Variants in GRK3 observed in about 807,000 individuals in gnomAD.
GRK3 encodes adrenergic, beta, receptor kinase 2.
Under a neutral mutation model 95.7 loss-of-function variants are expected in GRK3, and 54 were observed. The observed-to-expected ratio is 0.56, with a 90% CI of 0.45 to 0.71. The LOEUF (loss-of-function observed/expected upper bound fraction) is 0.71. GRK3 is among the 30% of genes least tolerant of loss of function. GRK3 has a pLI of 0.00. For missense variants in GRK3, 649 were observed against 851.2 expected, an observed-to-expected ratio of 0.76 and a Z score of 2.96; for synonymous variants, 281 against 290.8, an observed-to-expected ratio of 0.97 and a Z score of 0.34.
intron 2 of GRK3, among the ~76,000 whole-genome samples, chr22:25,644,136 T>G (rs545821503): frequency 1.6e-4 from 23 of 144,072 alleles, no homozygotes; most frequent in Non-Finnish European, 2.5e-4. Context: ...GGTTCTGGTG[T>G]TTTTTTTTTT....
intron 19 of GRK3, among the ~76,000 whole-genome samples, chr22:25,718,842 C>T (rs796336498): frequency 3.3e-5 from 5 of 152,128 alleles, no homozygotes; most frequent in African/African-American, 1.2e-4. Flanking sequence ...CCACAGATCC[C>T]CATCCTGGGA....
At chr22:25,649,479 A>T (rs555690718) in intron 3 of GRK3, among the ~76,000 whole-genome samples, 31 of 152,344 alleles carry the variant, frequency 2.0e-4, no homozygotes, top group Middle Eastern at 3.4e-3. Flanking sequence ...TACTGATGAC[A>T]GTGTGAGTGA....
At chr22:25,678,282 A>G (rs936200348) in intron 8 of GRK3, among the ~76,000 whole-genome samples, 1 of 151,994 alleles carries the variant, frequency 6.6e-6, no homozygotes, top group Non-Finnish European at 1.5e-5. Context: ...GTGAAACCCC[A>G]TCTCTACTAA....
intron 1 of GRK3, among the ~76,000 whole-genome samples, chr22:25,596,486 G>GT (rs2084373320): frequency 6.6e-6 from 1 of 152,286 alleles, no homozygotes; most frequent in African/African-American, 2.4e-5. Context: ...ATTTGAAAAT[G>GT]TTAATAAATT....
rs1239795551 is a variant in GRK3 at position 25,725,641 on chromosome 22, T to C, written c.*3191T>C. The stretch of plus-strand genomic sequence containing the variant: ...CATTCACTGACGTGACAATTTCAGG[T>C]CCTATGTTTAAAAAGAAGGGGCTGG... On this transcript the variant is annotated 3_prime_UTR_variant, in exon 21 of 21. Coordinates refer to ENST00000324198, the MANE Select transcript of GRK3 (RefSeq NM_005160.4). 1 of 398,378 alleles carries C rather than the reference T, an allele frequency of 2.5e-6. No individual in the cohort carries two copies. Among genetic ancestry groups the C allele is most frequent in the East Asian group, 3.6e-5 (1 of 28,062 alleles). 24.7% of individuals were successfully genotyped at this position (398,378 alleles called of 1,614,324 possible).
At chr22:25,575,544 A>G (rs1223917512) in intron 1 of GRK3, among the ~76,000 whole-genome samples, 1 of 152,190 alleles carries the variant, frequency 6.6e-6, no homozygotes, top group East Asian at 1.9e-4. Context: ...CAGTGACAGT[A>G]GATGGTCATT....
chr22:25,664,761 C>T (rs978520903), intron 5 of GRK3, among the ~76,000 whole-genome samples: 6 of 152,002 alleles, frequency 3.9e-5, no homozygotes, highest in African/African-American at 7.2e-5. Context: ...TCTTGTGATC[C>T]GCCCGCCTCG....
chr22:25,618,681 G>T (rs1489019461), intron 2 of GRK3, among the ~76,000 whole-genome samples: 1 of 150,586 alleles, frequency 6.6e-6, no homozygotes, highest in Non-Finnish European at 1.5e-5. Flanking sequence ...ACTTTGGTAT[G>T]TTAGGTTATT....
chr22:25,629,994 C>T (rs1354790902), intron 2 of GRK3, among the ~76,000 whole-genome samples: 2 of 152,128 alleles, frequency 1.3e-5, no homozygotes, highest in African/African-American at 4.8e-5. Flanking sequence ...ATTGAAGACC[C>T]CTTCATTTTA....
intron 4 of GRK3, among the ~76,000 whole-genome samples, chr22:25,662,058 T>G (rs934739303): frequency 1.2e-4 from 19 of 152,362 alleles, no homozygotes; most frequent in African/African-American, 3.8e-4. Flanking sequence ...TTAAATGGTC[T>G]CTTTGAATGA....
rs141837315 is a variant in GRK3 at position 25,698,416 on chromosome 22, C to T, written c.1160+3202C>T. On this transcript the variant is annotated intron_variant, in intron 13 of 20. Coordinates refer to ENST00000324198, the MANE Select transcript of GRK3 (RefSeq NM_005160.4). The stretch of plus-strand genomic sequence containing the variant: ...TGAGCTGTGCTAACTTTGACAGTAG[C>T]GATGTGCTGCGAGCACAGACATGGC... Among the ~76,000 whole-genome samples the T allele has an allele frequency of 1.1e-4, 16 of 152,224 alleles. No homozygotes were observed. The East Asian group carries it at 2.1e-3, about 20-fold the overall frequency.
intron 18 of GRK3, among the ~76,000 whole-genome samples, chr22:25,716,780 C>T (rs2085389352): frequency 6.6e-6 from 1 of 152,204 alleles, no homozygotes. Context: ...GTTCCCAACC[C>T]CCAGTGGGGA....
intron 10 of GRK3, among the ~76,000 whole-genome samples, chr22:25,686,805 ATC>A (rs1408382142): frequency 6.6e-6 from 1 of 152,132 alleles, no homozygotes; most frequent in Non-Finnish European, 1.5e-5. Flanking sequence ...TTTGTCAAAT[ATC>A]TGTCTGTATG....
chr22:25,571,541 T>C lies in GRK3; in HGVS notation c.113+6388T>C, dbSNP rs547998103. Among the ~76,000 whole-genome samples the C allele has an allele frequency of 2.0e-5, 3 of 150,230 alleles. No homozygotes were observed. In the East Asian group the frequency reaches 5.8e-4, roughly 29 times the overall value. Reference sequence around the variant, plus strand: ...TAAAAGAAATGATTAAAAACACTTATACTATAGGGTTATTGTTGTTGAGAT... The same window carrying C: ...TAAAAGAAATGATTAAAAACACTTACACTATAGGGTTATTGTTGTTGAGAT... On this transcript the variant is annotated intron_variant, in intron 1 of 20. Transcript: ENST00000324198.
chr22:25,670,603 A>G (rs1377812833), intron 6 of GRK3, among the ~76,000 whole-genome samples: 1 of 151,990 alleles, frequency 6.6e-6, no homozygotes, highest in Non-Finnish European at 1.5e-5. Flanking sequence ...AATATTACCT[A>G]TAACTCCCTT....
At chr22:25,679,519 C>T (rs919071853) in intron 9 of GRK3, among the ~76,000 whole-genome samples, 7 of 152,240 alleles carry the variant, frequency 4.6e-5, no homozygotes, top group Non-Finnish European at 1.0e-4. Context: ...TTTTACCCTA[C>T]ATCTTCTTTA....
At chr22:25,717,741 A>G (rs1049073403) in intron 18 of GRK3, among the ~76,000 whole-genome samples, 1 of 152,220 alleles carries the variant, frequency 6.6e-6, no homozygotes, top group Non-Finnish European at 1.5e-5. Flanking sequence ...TATTTGAGGA[A>G]TAAACCTAAC....
intron 8 of GRK3, among the ~76,000 whole-genome samples, chr22:25,677,249 C>T (rs900683183): frequency 2.6e-5 from 4 of 151,296 alleles, no homozygotes; most frequent in Non-Finnish European, 5.9e-5. Flanking sequence ...CCTGTAGTCC[C>T]AGCTATGCTC....
At chr22:25,699,519 A>G (rs2146449871) in intron 13 of GRK3, among the ~76,000 whole-genome samples, 1 of 152,234 alleles carries the variant, frequency 6.6e-6, no homozygotes, top group Admixed American at 6.5e-5. Context: ...TATGAGGCAC[A>G]GGACAGCTCC....
Sources: gnomAD v4.1 joint callset for allele counts (sites outside exome capture counted in the v4.1 genomes callset) on GRCh38, gnomAD v4.1.1 for gene constraint, MANE v1.5 for transcripts, NCBI Gene and HGNC (gene_info 2026-07-23, HGNC 2026-07-21) for gene names.